Variants in RPS6KA2 observed in about 807,000 individuals in gnomAD.
RPS6KA2 encodes ribosomal protein S6 kinase A2, also known as ribosomal protein S6 kinase alpha-2.
Under a neutral mutation model 91.8 loss-of-function variants are expected in RPS6KA2, and 42 were observed. That is an observed-to-expected ratio of 0.46 (90% confidence interval 0.36 to 0.59). RPS6KA2 has a LOEUF of 0.59. Ranked by LOEUF, RPS6KA2 falls within the 20% of genes least tolerant of loss-of-function variation. The probability of loss-of-function intolerance (pLI) is 0.00; values close to 1 mark genes in which losing one functional copy is unlikely to be tolerated. For synonymous variants in RPS6KA2, 414 were observed against 393.6 expected, an observed-to-expected ratio of 1.05 and a Z score of -0.61; for missense variants, 798 against 978.5, an observed-to-expected ratio of 0.82 and a Z score of 2.46.
chr6:166,461,512 G>C (rs1271541336), intron 11 of RPS6KA2, among the ~76,000 whole-genome samples: 1 of 106,012 alleles, frequency 9.4e-6, no homozygotes, highest in East Asian at 2.6e-4. Context: ...GAGAGAGAGA[G>C]AGAGAGATGG....
intron 16 of RPS6KA2, among the ~76,000 whole-genome samples, chr6:166,425,683 C>A (rs1583115451): frequency 6.6e-6 from 1 of 151,652 alleles, no homozygotes; most frequent in African/African-American, 2.4e-5. Context: ...TTTAAACCAA[C>A]AAAGATCAAA....
At chr6:166,765,646 AG>A (rs1284690490) in intron 2 of RPS6KA2, among the ~76,000 whole-genome samples, 2 of 152,144 alleles carry the variant, frequency 1.3e-5, no homozygotes, top group African/African-American at 4.8e-5. Context: ...GTGGTGTAGA[AG>A]GTGTAAGATG....
At chr6:166,624,270 T>C (rs1562349188) in intron 1 of RPS6KA2, among the ~76,000 whole-genome samples, 1 of 152,250 alleles carries the variant, frequency 6.6e-6, no homozygotes, top group Non-Finnish European at 1.5e-5. Flanking sequence ...TATTTCAAAA[T>C]ATAAATTTCA....
chr6:166,719,479 A>C (rs1019081727), intron 2 of RPS6KA2, among the ~76,000 whole-genome samples: 3 of 152,242 alleles, frequency 2.0e-5, no homozygotes, highest in African/African-American at 7.2e-5. Flanking sequence ...GCTTGTTTGG[A>C]AAGACAAGTA....
At chr6:166,652,733 A>G (rs1222498935) in intron 2 of RPS6KA2, among the ~76,000 whole-genome samples, 2 of 152,176 alleles carry the variant, frequency 1.3e-5, no homozygotes, top group African/African-American at 2.4e-5. Context: ...CGGGGCCCAG[A>G]GATCATGGAA....
At position 166,418,160 on chromosome 6, in the gene RPS6KA2, C is replaced by A; in HGVS notation, c.1938+65G>T. The stretch of plus-strand genomic sequence containing the variant: ...TACATAAAACCTATCCCCTGGCTTC[C>A]TCAGAAATCATATGGCTATTTCAGA... On this transcript the variant is annotated intron_variant, in intron 19 of 20. Coordinates refer to ENST00000265678, the MANE Select transcript of RPS6KA2 (RefSeq NM_021135.6). This position sits in a 1 kb window ranked among gnomAD's most constrained non-coding sequence, Gnocchi z 4.9. 1 of 1,115,154 alleles carries A rather than the reference C, an allele frequency of 9.0e-7. No homozygotes were observed. Among genetic ancestry groups the A allele is most frequent in the Non-Finnish European group, 1.3e-6 (1 of 745,228 alleles). 69.1% of individuals were successfully genotyped at this position (1,115,154 alleles called of 1,614,324 possible).
intron 13 of RPS6KA2, among the ~76,000 whole-genome samples, chr6:166,450,058 C>T (rs1779827754): frequency 6.7e-6 from 1 of 148,248 alleles, no homozygotes; most frequent in African/African-American, 2.5e-5. Flanking sequence ...ACCACAGGGA[C>T]CACCGTAGGA....
intron 2 of RPS6KA2, among the ~76,000 whole-genome samples, chr6:166,811,075 TA>T (rs1365011690): frequency 2.0e-5 from 3 of 152,214 alleles, no homozygotes; most frequent in African/African-American, 7.2e-5. Context: ...GACATCACAC[TA>T]AGAAGAGAAA....
intron 17 of RPS6KA2, among the ~76,000 whole-genome samples, chr6:166,421,233 A>T (rs1331760312): frequency 1.3e-5 from 2 of 152,192 alleles, no homozygotes; most frequent in African/African-American, 4.8e-5. Context: ...GAGTGAAAGT[A>T]AAAAAAGTTG....
rs575860059 is a variant in RPS6KA2 at position 166,586,626 on chromosome 6, C to T, written c.99+40295G>A. ...AGAGGTGGCCTCTGGTCCACTACAC[C>T]GTGGAACTCCAGACCACTCCAGTTC... On this transcript the variant is annotated intron_variant, in intron 1 of 20. Coordinates refer to ENST00000265678, the MANE Select transcript of RPS6KA2 (RefSeq NM_021135.6). 1,507 of 706,440 alleles carry T rather than the reference C, an allele frequency of 2.1e-3. 12 individuals carry two copies. The highest frequency in any genetic ancestry group is 3.1e-3 in the Non-Finnish European group (1,319 of 426,274). 43.8% of individuals were successfully genotyped at this position (706,440 alleles called of 1,614,324 possible).
Position 166,626,581 on chromosome 6 carries a change from C to T in RPS6KA2, c.99+340G>A, listed in dbSNP as rs1786885791. Reference sequence around the variant, plus strand: ...CCCCCGCGGAGCGCTCCGCGCCACTCGGCGGTCTAGCTGCAGAGAAAGCCC... The same window carrying T: ...CCCCCGCGGAGCGCTCCGCGCCACTTGGCGGTCTAGCTGCAGAGAAAGCCC... On this transcript the variant is annotated intron_variant, in intron 1 of 20. Coordinates refer to ENST00000265678, the MANE Select transcript of RPS6KA2 (RefSeq NM_021135.6). This position sits in a 1 kb window ranked among gnomAD's most constrained non-coding sequence, Gnocchi z 4.1. Among the ~76,000 whole-genome samples the T allele has an allele frequency of 6.6e-6, 1 of 152,164 alleles. No homozygotes were observed. The highest frequency in any genetic ancestry group is 1.5e-5 in the Non-Finnish European group (1 of 68,014).
chr6:166,549,740 C>A (rs1321095381), intron 1 of RPS6KA2, among the ~76,000 whole-genome samples: 1 of 152,088 alleles, frequency 6.6e-6, no homozygotes, highest in Admixed American at 6.6e-5. Flanking sequence ...GATGGTATTG[C>A]CACAGATTAC....
Position 166,563,402 on chromosome 6 carries a change from G to A in RPS6KA2, c.100-24618C>T, listed in dbSNP as rs1784400735. ...CAGTCTCCTGGGCTCGCCGCCAGCG[G>A]TGGGATCCCTCTTCCTGCACAGAAC... is the stretch of plus-strand genomic sequence containing the variant. On this transcript the variant is annotated intron_variant, in intron 1 of 20. Coordinates refer to ENST00000265678, the MANE Select transcript of RPS6KA2 (RefSeq NM_021135.6). This position sits in a 1 kb window ranked among gnomAD's most constrained non-coding sequence, Gnocchi z 4.1. Among the ~76,000 whole-genome samples, 3 of 152,154 alleles carry A rather than the reference G, an allele frequency of 2.0e-5. No individual in the cohort carries two copies. The highest frequency in any genetic ancestry group is 4.4e-5 in the Non-Finnish European group (3 of 68,014).
In RPS6KA2 at chr6:166,451,970, C is replaced by T. The variant is rs138447887; in HGVS notation, c.1076-737G>A. ...AGATGAGAGGTTAAACTCTCTATTG[C>T]CCGAAAGCTCCCAGAGATCAATGAG... On this transcript the variant is annotated intron_variant, in intron 12 of 20. Coordinates refer to ENST00000265678, the MANE Select transcript of RPS6KA2 (RefSeq NM_021135.6). Among the ~76,000 whole-genome samples the T allele has an allele frequency of 4.6e-5, 7 of 152,278 alleles. No individual in the cohort carries two copies. In the East Asian group the frequency reaches 1.3e-3, roughly 29 times the overall value.
chr6:166,425,260 A>C (rs1383949151), intron 16 of RPS6KA2, among the ~76,000 whole-genome samples: 1 of 152,130 alleles, frequency 6.6e-6, no homozygotes, highest in Non-Finnish European at 1.5e-5. Flanking sequence ...AAAATTTAAA[A>C]AATTTTAAAA....
chr6:166,744,085 C>T (rs895539960), intron 2 of RPS6KA2, among the ~76,000 whole-genome samples: 2 of 152,128 alleles, frequency 1.3e-5, no homozygotes, highest in African/African-American at 2.4e-5. Context: ...TGAGTATCCC[C>T]TAGGAAGTTC....
intron 8 of RPS6KA2, among the ~76,000 whole-genome samples, chr6:166,496,872 C>T (rs1450116154): frequency 6.6e-6 from 1 of 152,200 alleles, no homozygotes; most frequent in African/African-American, 2.4e-5. Flanking sequence ...AGCTTGGACC[C>T]ATAGCCCAGC....
At chr6:166,859,127 C>A (rs1780984596) in intron 1 of RPS6KA2, among the ~76,000 whole-genome samples, 1 of 152,288 alleles carries the variant, frequency 6.6e-6, no homozygotes, top group Non-Finnish European at 1.5e-5. Flanking sequence ...ATCTTCTCAC[C>A]TAGTAGCCAG....
At chr6:166,848,502 C>T (rs1168724781) in intron 2 of RPS6KA2, among the ~76,000 whole-genome samples, 2 of 152,172 alleles carry the variant, frequency 1.3e-5, no homozygotes, top group African/African-American at 4.8e-5. Context: ...TGTGGAACCA[C>T]CCCAAATGCC....
Sources: allele counts gnomAD v4.1 joint callset (sites outside exome capture counted in the v4.1 genomes callset), GRCh38; gene constraint gnomAD v4.1.1; non-coding constraint Gnocchi (gnomAD v3.1); transcripts MANE v1.5; gene names NCBI Gene and HGNC (gene_info 2026-07-23, HGNC 2026-07-21).